Variants in LRRK1 observed in about 807,000 individuals in gnomAD.
LRRK1 encodes the protein leucine-rich repeat serine/threonine-protein kinase 1.
Under a neutral mutation model 209.1 loss-of-function variants are expected in LRRK1, and 113 were observed. That is an observed-to-expected ratio of 0.54 (90% CI 0.46 to 0.63). The LOEUF (loss-of-function observed/expected upper bound fraction) is 0.63, where lower values mean the gene tolerates loss of function less well. Ranked by LOEUF, LRRK1 falls within the 30% of genes least tolerant of loss-of-function variation. LRRK1 has a pLI of 0.00. For synonymous variants in LRRK1, 1,144 were observed against 1,099.7 expected (o/e 1.04, Z -0.80); for missense variants, 2,284 against 2,632.2 (o/e 0.87, Z 2.89).
Position 100,924,682 on chromosome 15 carries a change from C to G in LRRK1, c.50C>G (p.Pro17Arg). The G allele has an allele frequency of 6.2e-7, 1 of 1,614,028 alleles. No homozygotes were observed. Among genetic ancestry groups the G allele is most frequent in the East Asian group, 2.2e-5 (1 of 44,884 alleles). ...RPPSMYWCVG[P>R]EESAVCPERA... The stretch of plus-strand genomic sequence containing the variant: ...CCCAGCATGTACTGGTGTGTGGGGC[C>G]GGAGGAGTCAGCTGTGTGTCCAGAA... The change falls in exon 2 of 34, where the codon CCG (proline) becomes CGG (arginine). Residue 17 changes from proline (P) to arginine (R), a missense_variant. By Grantham distance (103) the Pro-to-Arg change is moderately radical. Around this residue, in one of 6 missense-constraint regions of LRRK1, gnomAD observed 174 missense variants for 133.5 expected, o/e 1.30. Coordinates refer to ENST00000388948, the MANE Select transcript of LRRK1 (RefSeq NM_024652.6).
intron 1 of LRRK1, among the ~76,000 whole-genome samples, chr15:100,922,186 A>G (rs2042032464): frequency 6.6e-6 from 1 of 152,212 alleles, no homozygotes; most frequent in Non-Finnish European, 1.5e-5. Flanking sequence ...TGTAATCATC[A>G]CTTGTTGGCA....
intron 2 of LRRK1, among the ~76,000 whole-genome samples, chr15:100,950,960 G>A (rs941842856): frequency 5.3e-5 from 8 of 152,148 alleles, no homozygotes; most frequent in Non-Finnish European, 8.8e-5. Context: ...AAAATTAGCC[G>A]GGCGTGGTGG....
At chr15:100,937,241 A>G (rs1313004626) in intron 2 of LRRK1, among the ~76,000 whole-genome samples, 1 of 152,204 alleles carries the variant, frequency 6.6e-6, no homozygotes, top group Non-Finnish European at 1.5e-5. Context: ...TTTTTAATAG[A>G]TGAATCATAT....
In LRRK1 at chr15:101,021,880, G is replaced by A; in HGVS notation, c.1775G>A (p.Gly592Glu). The A allele has an allele frequency of 6.2e-7, 1 of 1,614,044 alleles. No homozygotes were observed. Among genetic ancestry groups the A allele is most frequent in the Non-Finnish European group, 8.5e-7 (1 of 1,179,998 alleles). The stretch of plus-strand genomic sequence containing the variant: ...CTCCGGGAGCTCCCTCCTGAGCTGG[G>A]GCAGCTGGGCAACCTCTGGCAGCTG... ...PGLRELPPELGQLGNLWQLDT... is the reference protein window; with the variant it reads ...PGLRELPPELEQLGNLWQLDT... The change falls in exon 14 of 34, where the codon GGG (glycine) becomes GAG (glutamate). Residue 592 changes from glycine (G) to glutamate (E), a missense_variant. Gly to Glu is a moderately conservative substitution (Grantham distance 98). Transcript: ENST00000388948.
intron 32 of LRRK1, 41 bp downstream of exon 32, chr15:101,066,246 A>G (rs201914632): frequency 2.6e-6 from 4 of 1,562,942 alleles, no homozygotes; most frequent in Non-Finnish European, 3.5e-6. Flanking sequence ...GGGCACGCCC[A>G]CTGCTCCTGC....
intron 6 of LRRK1, among the ~76,000 whole-genome samples, chr15:100,998,791 G>C (rs964124441): frequency 1.3e-5 from 2 of 151,358 alleles, no homozygotes; most frequent in African/African-American, 2.4e-5. Flanking sequence ...TGGGTTGATG[G>C]TTACATGGTT....
At chr15:101,025,892 C>G (rs978650925) in intron 16 of LRRK1, 73 bp from the exon 17 acceptor site, 9 of 1,541,436 alleles carry the variant, frequency 5.8e-6, no homozygotes, top group Non-Finnish European at 8.0e-6. Flanking sequence ...CGCACCTGCA[C>G]AGCTGGGAGC....
intron 6 of LRRK1, among the ~76,000 whole-genome samples, chr15:100,995,603 G>A (rs370816209): frequency 7.2e-5 from 11 of 152,270 alleles, no homozygotes; most frequent in Admixed American, 3.3e-4. Flanking sequence ...TCGGGTCAAT[G>A]TTTAGCTGCG....
chr15:101,052,016 G>C lies in LRRK1; in HGVS notation c.3689+56G>C. On this transcript the variant is annotated intron_variant, in intron 24 of 33. Coordinates refer to ENST00000388948, the MANE Select transcript of LRRK1 (RefSeq NM_024652.6). ...GTGCAGGTCACAGGGGGCGTTCCTCGCTGTGCAGTTGCCGAGTGATCTCCA... is the reference window on the plus strand; with the variant it reads ...GTGCAGGTCACAGGGGGCGTTCCTCCCTGTGCAGTTGCCGAGTGATCTCCA... The C allele has an allele frequency of 3.2e-6, 5 of 1,573,280 alleles. No homozygotes were observed. The South Asian group carries it at 5.9e-5, about 19-fold the overall frequency.
chr15:100,993,446 G>A (rs543652859), intron 6 of LRRK1, among the ~76,000 whole-genome samples: 1 of 152,160 alleles, frequency 6.6e-6, no homozygotes, highest in South Asian at 2.1e-4. Context: ...TTCTTCTTAT[G>A]TCTCTACAAG....
intron 2 of LRRK1, among the ~76,000 whole-genome samples, chr15:100,933,712 C>G (rs952520743): frequency 6.7e-6 from 1 of 149,252 alleles, no homozygotes; most frequent in African/African-American, 2.5e-5. Flanking sequence ...GTCCCAGCTA[C>G]TCAGGAGGCT....
chr15:100,978,414 G>T (rs893693640), intron 3 of LRRK1, among the ~76,000 whole-genome samples: 2 of 152,154 alleles, frequency 1.3e-5, no homozygotes, highest in Admixed American at 1.3e-4. Context: ...AACAGGATAT[G>T]CCCAGAGAAA....
intron 21 of LRRK1, 72 bp downstream of exon 21, chr15:101,046,224 A>C: frequency 6.7e-7 from 1 of 1,503,222 alleles, no homozygotes; most frequent in Non-Finnish European, 9.1e-7. Context: ...GGGGGAGGGG[A>C]ATGCCCTTTG....
chr15:101,065,306 T>C (rs373495428), intron 31 of LRRK1, 46 bp from the exon 32 acceptor site: 2 of 1,586,366 alleles, frequency 1.3e-6, no homozygotes, highest in African/African-American at 1.3e-5. Flanking sequence ...TCTCTTGGAA[T>C]GTGTGAAATG....
At position 101,066,064 on chromosome 15, in the gene LRRK1, A is replaced by G. The variant is rs769380465; in HGVS notation, c.5627A>G (p.Glu1876Gly). ...SSSVPFSTDC[E>G]DSDMLHTPGA... ...AGTGTGCCTTTCTCCACCGACTGCGAGGACTCAGACATGCTACATACGCCC... is the reference window on the plus strand; with the variant it reads ...AGTGTGCCTTTCTCCACCGACTGCGGGGACTCAGACATGCTACATACGCCC... The change falls in exon 32 of 34, where the codon GAG (glutamate) becomes GGG (glycine). Residue 1876 changes from glutamate to glycine, a missense_variant. Coordinates refer to ENST00000388948, the MANE Select transcript of LRRK1 (RefSeq NM_024652.6). The G allele has an allele frequency of 2.5e-6, 4 of 1,613,982 alleles. No individual in the cohort carries two copies. In the African/African-American group the frequency reaches 5.3e-5, roughly 22 times the overall value.
intron 20 of LRRK1, among the ~76,000 whole-genome samples, chr15:101,039,289 C>T (rs550382468): frequency 2.6e-4 from 40 of 152,190 alleles, no homozygotes; most frequent in Non-Finnish European, 5.0e-4. Context: ...TTTCTCTCCA[C>T]GGTGGTTTGT....
intron 2 of LRRK1, among the ~76,000 whole-genome samples, chr15:100,941,436 GTGTGTGTGTCTGTGTGTGTCTATGTCTC>G (rs2042426331): frequency 3.4e-4 from 3 of 8,806 alleles, no homozygotes; most frequent in African/African-American, 6.4e-4. Context: ...GTCTGTGTGT[GTGTGTGTGTCTGTGTGTGTCTATGTCTC>G]TGTGTGTGTG....
chr15:101,066,425 G>A (rs2036534772), intron 32 of LRRK1, among the ~76,000 whole-genome samples: 1 of 152,242 alleles, frequency 6.6e-6, no homozygotes, highest in African/African-American at 2.4e-5. Flanking sequence ...AGAGCTTAAG[G>A]TGCCACACAA....
chr15:100,961,992 C>T (rs977311354), intron 2 of LRRK1, among the ~76,000 whole-genome samples: 2 of 152,120 alleles, frequency 1.3e-5, no homozygotes, highest in African/African-American at 4.8e-5. Flanking sequence ...ATTTTTGTTC[C>T]ATGAGACTTC....
Sources: allele counts gnomAD v4.1 joint callset (sites outside exome capture counted in the v4.1 genomes callset), GRCh38; gene constraint gnomAD v4.1.1; regional missense constraint gnomAD v4.1.1; transcripts MANE v1.5; gene names NCBI Gene and HGNC (gene_info 2026-07-23, HGNC 2026-07-21).